MRPS14: variants seen among roughly 807,000 people sequenced by gnomAD.
MRPS14 encodes small ribosomal subunit protein uS14m.
A neutral mutation model predicts 16.4 loss-of-function variants in MRPS14; 14 were observed. The ratio of observed to expected loss-of-function variants is 0.85; its 90% CI spans 0.56 to 1.33. The LOEUF (loss-of-function observed/expected upper bound fraction) is 1.33. MRPS14 is among the 40% of genes most tolerant of loss of function. The pLI, the probability that MRPS14 is intolerant of heterozygous loss-of-function variation, is 0.00. For synonymous variants in MRPS14, 54 were observed against 61.9 expected (o/e 0.87, Z 0.60); for missense variants, 162 against 176.8 (o/e 0.92, Z 0.48).
At chr1:175,016,300 G>A (rs970432260) in intron 2 of MRPS14, among the ~76,000 whole-genome samples, 1 of 152,128 alleles carries the variant, frequency 6.6e-6, no homozygotes, top group East Asian at 1.9e-4. Flanking sequence ...GAAGATTGAA[G>A]CCAAGTTTCA....
chr1:175,023,086 G>A (rs532560958), intron 1 of MRPS14, among the ~76,000 whole-genome samples: 79 of 152,282 alleles, frequency 5.2e-4, no homozygotes, highest in South Asian at 3.5e-3. Context: ...GTCTCTGAGA[G>A]CTCAATCCTC....
intron 1 of MRPS14, among the ~76,000 whole-genome samples, chr1:175,022,003 G>T (rs1223885843): frequency 6.6e-6 from 1 of 152,120 alleles, no homozygotes; most frequent in African/African-American, 2.4e-5. Context: ...TTAAACATTT[G>T]TAATATAACT....
intron 2 of MRPS14, among the ~76,000 whole-genome samples, chr1:175,017,036 G>C (rs1041657878): frequency 6.7e-6 from 1 of 148,638 alleles, no homozygotes; most frequent in African/African-American, 2.5e-5. Flanking sequence ...CTTGAGCTCA[G>C]TTTCTTGGGG....
rs114531357 is a variant in MRPS14 at position 175,020,237 on chromosome 1, C to T, written c.46-1661G>A. Among the ~76,000 whole-genome samples, 441 of 151,960 alleles carry T rather than the reference C, an allele frequency of 2.9e-3. 3 individuals carry two copies. Among genetic ancestry groups the T allele is most frequent in the African/African-American group, 0.01 (421 of 41,422 alleles). On this transcript the variant is annotated intron_variant, in intron 1 of 2. Coordinates refer to ENST00000476371, the MANE Select transcript of MRPS14 (RefSeq NM_022100.3). ...GGGGAGGGGAGAAAAGGTAGTCTGT[C>T]CAAACAAAACATGGAAAAGAACAAG... is the stretch of plus-strand genomic sequence containing the variant.
chr1:175,023,242 C>T (rs745305742), intron 1 of MRPS14, 122 bp downstream of exon 1: 78 of 1,551,858 alleles, frequency 5.0e-5, no homozygotes, highest in Non-Finnish European at 5.8e-5. Flanking sequence ...CGGAAGAGGG[C>T]GGAAGGAGAA....
chr1:175,014,361 T>A lies in MRPS14; in HGVS notation c.*308A>T. On this transcript the variant is annotated 3_prime_UTR_variant, in exon 3 of 3. Coordinates refer to ENST00000476371, the MANE Select transcript of MRPS14 (RefSeq NM_022100.3). ...ATAATGCTCTTAATACAAAAACCCCTATATGTTACTAAAAGATTAAACTTA... is the reference window on the plus strand; with the variant it reads ...ATAATGCTCTTAATACAAAAACCCCAATATGTTACTAAAAGATTAAACTTA... 2.4e-6 allele frequency: 1 copy of A among 411,202 alleles called. No homozygotes were observed. Among genetic ancestry groups the A allele is most frequent in the East Asian group, 3.5e-5 (1 of 28,392 alleles). The allele number at this position is 411,202 out of a possible 1,614,324, so 25.5% of individuals were successfully genotyped here.
chr1:175,019,723 G>A (rs1054794302), intron 1 of MRPS14, among the ~76,000 whole-genome samples: 4 of 152,090 alleles, frequency 2.6e-5, no homozygotes, highest in Non-Finnish European at 5.9e-5. Flanking sequence ...ACATTTTCAC[G>A]GTGATAATTT....
chr1:175,020,860 C>T (rs1202017170), intron 1 of MRPS14, among the ~76,000 whole-genome samples: 1 of 152,154 alleles, frequency 6.6e-6, no homozygotes, highest in Non-Finnish European at 1.5e-5. Flanking sequence ...TATAATGGTG[C>T]TTTATAGATT....
intron 1 of MRPS14, among the ~76,000 whole-genome samples, chr1:175,020,203 G>C (rs1672953311): frequency 6.6e-6 from 1 of 152,140 alleles, no homozygotes; most frequent in African/African-American, 2.4e-5. Flanking sequence ...TTTGACTAAA[G>C]TGGGGACAGG....
chr1:175,022,154 G>T (rs1422916343), intron 1 of MRPS14, among the ~76,000 whole-genome samples: 1 of 150,928 alleles, frequency 6.6e-6, no homozygotes, highest in Non-Finnish European at 1.5e-5. Flanking sequence ...ACTGAGATAT[G>T]CTTTAAGTGT....
At chr1:175,017,736 G>A (rs141075553) in intron 2 of MRPS14, among the ~76,000 whole-genome samples, 52 of 152,268 alleles carry the variant, frequency 3.4e-4, no homozygotes, top group Middle Eastern at 6.8e-3. Flanking sequence ...CAGGAAGACA[G>A]GCTCAGAATG....
chr1:175,022,330 T>C (rs1672992325), intron 1 of MRPS14: 1 of 152,070 alleles, frequency 6.6e-6, no homozygotes, highest in Non-Finnish European at 1.5e-5. Context: ...ACTAGAAAAA[T>C]TTTAAATTAC....
chr1:175,016,786 G>A (rs1003563031), intron 2 of MRPS14, among the ~76,000 whole-genome samples: 10 of 149,354 alleles, frequency 6.7e-5, no homozygotes, highest in Non-Finnish European at 1.3e-4. Context: ...CAAAATTACC[G>A]TTTGTGTATG....
Position 175,014,694 on chromosome 1 carries a change from G to A in MRPS14, c.362C>T (p.Ser121Phe). ...FRHLADHGQLSGIQRATW is the reference protein window; with the variant it reads ...FRHLADHGQLFGIQRATW ...TTACCATGTCGCTCGCTGGATCCCA[G>A]AAAGTTGCCCATGGTCAGCTAAGTG... Residue 121 changes from serine to phenylalanine, a missense_variant, in exon 3 of 3, where the codon TCT (serine) becomes TTT (phenylalanine). Coordinates refer to ENST00000476371, the MANE Select transcript of MRPS14 (RefSeq NM_022100.3). The A allele has an allele frequency of 6.2e-7, 1 of 1,612,418 alleles. No individual in the cohort carries two copies. The highest frequency in any genetic ancestry group is 8.5e-7 in the Non-Finnish European group (1 of 1,179,340).
intron 2 of MRPS14, among the ~76,000 whole-genome samples, chr1:175,015,544 G>A (rs1203357117): frequency 6.6e-6 from 1 of 152,142 alleles, no homozygotes; most frequent in Non-Finnish European, 1.5e-5. Context: ...CTGACAGCTA[G>A]AGAAGTAAAG....
intron 1 of MRPS14, among the ~76,000 whole-genome samples, chr1:175,019,370 C>T (rs550431724): frequency 6.6e-6 from 1 of 152,256 alleles, no homozygotes; most frequent in South Asian, 2.1e-4. Flanking sequence ...CAACCTATAC[C>T]TCCCGGGTTC....
chr1:175,022,033 ATTCT>A (rs1404028720), intron 1 of MRPS14, among the ~76,000 whole-genome samples: 1 of 152,220 alleles, frequency 6.6e-6, no homozygotes, highest in South Asian at 2.1e-4. Flanking sequence ...GGGGAATGTA[ATTCT>A]TTATTTTAAT....
chr1:175,022,846 C>G (rs974145380), intron 1 of MRPS14, among the ~76,000 whole-genome samples: 4 of 151,966 alleles, frequency 2.6e-5, no homozygotes, highest in Non-Finnish European at 4.4e-5. Context: ...ATAACACCAT[C>G]AGAACAGCTG....
rs1672821449 is a variant in MRPS14, at chr1:175,013,515, T to C, written c.*1154A>G. ...CCTCTCTCCTCTACTAATACCACAATGTTAGTTCAGGCCTTCATCTTCCTC... is the reference window on the plus strand; with the variant it reads ...CCTCTCTCCTCTACTAATACCACAACGTTAGTTCAGGCCTTCATCTTCCTC... On this transcript the variant is annotated 3_prime_UTR_variant, in exon 3 of 3. Coordinates refer to ENST00000476371, the MANE Select transcript of MRPS14 (RefSeq NM_022100.3). The C allele has an allele frequency of 6.6e-6, 1 of 152,228 alleles. No individual in the cohort carries two copies. Among genetic ancestry groups the C allele is most frequent in the Admixed American group, 6.5e-5 (1 of 15,278 alleles). 9.4% of individuals were successfully genotyped at this position (152,228 alleles called of 1,614,324 possible). A position where few individuals can be genotyped will look rare whatever the true frequency, so the allele number is the denominator to read the frequency against.
Sources: gnomAD v4.1 joint callset for allele counts (sites outside exome capture counted in the v4.1 genomes callset) on GRCh38, gnomAD v4.1.1 for gene constraint, MANE v1.5 for transcripts, NCBI Gene and HGNC (gene_info 2026-07-23, HGNC 2026-07-21) for gene names.